Variants in RBM46 observed in about 807,000 individuals in gnomAD.
RBM46 encodes the protein RNA binding motif protein 46, also known as probable RNA-binding protein 46.
In RBM46, 12 loss-of-function variants were observed where a neutral mutation model predicts 43.3. The observed-to-expected ratio is 0.28, with a 90% CI of 0.18 to 0.45. RBM46 has a LOEUF of 0.45. RBM46 is among the 20% of genes least tolerant of loss of function. RBM46 has a pLI of 1.00. For missense variants in RBM46, 412 were observed against 639.1 expected, an observed-to-expected ratio of 0.64 and a Z score of 3.83; for synonymous variants, 205 against 207.6, an observed-to-expected ratio of 0.99 and a Z score of 0.11.
intron 4 of RBM46, among the ~76,000 whole-genome samples, chr4:154,811,683 G>GTGTC (rs1735186459): frequency 6.8e-6 from 1 of 146,410 alleles, no homozygotes; most frequent in Non-Finnish European, 1.5e-5. Context: ...GTGTGTGTGT[G>GTGTC]TGTGTGTGTG....
chr4:154,816,795 A>G (rs982890129), intron 4 of RBM46, among the ~76,000 whole-genome samples: 1 of 152,034 alleles, frequency 6.6e-6, no homozygotes, highest in Non-Finnish European at 1.5e-5. Context: ...CTAAGATATG[A>G]TGTGTGTTAT....
intron 4 of RBM46, chr4:154,820,506 A>G: frequency 4.1e-6 from 3 of 735,474 alleles, no homozygotes; most frequent in South Asian, 2.3e-5. Flanking sequence ...ATTGTTCTTT[A>G]TAATGAAAAG....
rs777430155 is a variant in RBM46 at position 154,827,941 on chromosome 4, C to A, written c.1476C>A (p.Ser492Arg). ...CTACCCTCTCTTCTGGGACTCCCAG[C>A]GTGCTTCCTTATACTTCAAGGCCTT... ...VSATLSSGTP[S>R]VLPYTSRPYS... is the part of the protein sequence containing the mutation. Residue 492 changes from serine (S) to arginine (R), a missense_variant, in exon 5 of 5, where the codon AGC (serine) becomes AGA (arginine). This residue lies in a region of RBM46 where 149 missense variants were observed against 156.3 expected (regional missense o/e 0.95). Transcript: ENST00000281722. 38 of 1,613,620 alleles carry A rather than the reference C, an allele frequency of 2.4e-5. No homozygotes were observed. Among genetic ancestry groups the A allele is most frequent in the Non-Finnish European group, 2.9e-5 (34 of 1,179,696 alleles).
intron 1 of RBM46, among the ~76,000 whole-genome samples, chr4:154,790,961 C>CT (rs1734060031): frequency 6.6e-6 from 1 of 152,172 alleles, no homozygotes; most frequent in African/African-American, 2.4e-5. Flanking sequence ...TAGCATGCAG[C>CT]TTTGTAGAAC....
At chr4:154,791,736 TA>T (rs897065925) in intron 1 of RBM46, among the ~76,000 whole-genome samples, 2 of 152,284 alleles carry the variant, frequency 1.3e-5, no homozygotes, top group African/African-American at 4.8e-5. Context: ...GAATAAAAAA[TA>T]AGATGCATAT....
chr4:154,817,305 A>T (rs1735492570), intron 4 of RBM46, among the ~76,000 whole-genome samples: 1 of 148,772 alleles, frequency 6.7e-6, no homozygotes, highest in Non-Finnish European at 1.5e-5. Context: ...TTAGAGCTGC[A>T]TCCCATACAT....
chr4:154,815,792 A>G (rs1735411059), intron 4 of RBM46, among the ~76,000 whole-genome samples: 1 of 152,048 alleles, frequency 6.6e-6, no homozygotes, highest in African/African-American at 2.4e-5. Flanking sequence ...ATATGATTCA[A>G]TTGATCAATC....
intron 4 of RBM46, among the ~76,000 whole-genome samples, chr4:154,800,613 T>A (rs1578915913): frequency 7.1e-6 from 1 of 140,400 alleles, no homozygotes; most frequent in Admixed American, 7.1e-5. Context: ...GCCTCCCCCC[T>A]CCTCCACCCC....
At chr4:154,799,864 A>G (rs1210881965) in intron 4 of RBM46, among the ~76,000 whole-genome samples, 2 of 148,398 alleles carry the variant, frequency 1.3e-5, no homozygotes, top group African/African-American at 5.0e-5. Context: ...GGTTCAGGCG[A>G]TTCTCCTGCC....
chr4:154,819,678 T>C (rs1188715629), intron 4 of RBM46, among the ~76,000 whole-genome samples: 1 of 152,194 alleles, frequency 6.6e-6, no homozygotes, highest in East Asian at 1.9e-4. Flanking sequence ...TATTTTTATA[T>C]CTAGTTTTCT....
At chr4:154,827,593 T>A in intron 4 of RBM46, 2 of 1,167,630 alleles carry the variant, frequency 1.7e-6, no homozygotes, top group Non-Finnish European at 2.1e-6. Context: ...TTTTCTATAA[T>A]CAAAACTCCA....
At chr4:154,799,964 G>C (rs1169110519) in intron 4 of RBM46, among the ~76,000 whole-genome samples, 1 of 151,732 alleles carries the variant, frequency 6.6e-6, no homozygotes, top group East Asian at 1.9e-4. Context: ...GTAGAGACAG[G>C]GTTTCACTGT....
rs1303756679 is a variant in RBM46, at chr4:154,827,891, A to G, written c.1426A>G (p.Ile476Val). ...HLDYNFHRSS[I>V]NSLSPVSATL... ...AGACTACAATTTCCATCGCAGCTCAATAAATAGTCTTTCCCCTGTTAGTGC... is the reference window on the plus strand; with the variant it reads ...AGACTACAATTTCCATCGCAGCTCAGTAAATAGTCTTTCCCCTGTTAGTGC... The change falls in exon 5 of 5, where the codon ATA becomes GTA. Residue 476 changes from isoleucine to valine, a missense_variant. Ile to Val is a conservative substitution (Grantham distance 29, BLOSUM62 3). Coordinates refer to ENST00000281722, the MANE Select transcript of RBM46 (RefSeq NM_144979.5). The G allele has an allele frequency of 3.1e-6, 5 of 1,613,456 alleles. No individual in the cohort carries two copies. The highest frequency in any genetic ancestry group is 3.3e-5 in the Admixed American group (2 of 59,972).
At chr4:154,811,527 C>G (rs759217819) in intron 4 of RBM46, among the ~76,000 whole-genome samples, 3 of 151,900 alleles carry the variant, frequency 2.0e-5, no homozygotes, top group Non-Finnish European at 4.4e-5. Context: ...ATCCAAGATA[C>G]CAGTTTCCAA....
Position 154,809,988 on chromosome 4 carries a change from A to G in RBM46, c.1402+10424A>G, listed in dbSNP as rs74545053. ...ATAAAAATGCCAGGGAATTACTAAC[A>G]TTTAAAAGTTACTACTTGGAGGGAG... On this transcript the variant is annotated intron_variant, in intron 4 of 4. Transcript: ENST00000281722. 6.0e-3 allele frequency among the ~76,000 whole-genome samples: 909 copies of G among 152,276 alleles called. 25 individuals are homozygous for G. In the East Asian group the frequency reaches 0.083, roughly 14 times the overall value.
chr4:154,803,469 G>T (rs1259930186), intron 4 of RBM46, among the ~76,000 whole-genome samples: 1 of 152,054 alleles, frequency 6.6e-6, no homozygotes, highest in African/African-American at 2.4e-5. Context: ...GGGAGGCTAA[G>T]GCGGGCGGAT....
At chr4:154,802,387 T>C (rs546181536) in intron 4 of RBM46, among the ~76,000 whole-genome samples, 1 of 152,378 alleles carries the variant, frequency 6.6e-6, no homozygotes, top group African/African-American at 2.4e-5. Flanking sequence ...TATGTTGCCA[T>C]ATGGCAGGTT....
chr4:154,807,981 G>A (rs1163953001), intron 4 of RBM46, among the ~76,000 whole-genome samples: 1 of 151,856 alleles, frequency 6.6e-6, no homozygotes, highest in Non-Finnish European at 1.5e-5. Context: ...AATAAATTTA[G>A]TTTGCCTATA....
chr4:154,797,677 C>A (rs551521421), intron 2 of RBM46, 134 bp from the exon 3 acceptor site: 63 of 527,492 alleles, frequency 1.2e-4, no homozygotes, highest in Middle Eastern at 7.4e-4. Flanking sequence ...TTTATTTTGT[C>A]CACTGTTGTA....
Sources: allele counts gnomAD v4.1 joint callset (sites outside exome capture counted in the v4.1 genomes callset), GRCh38; gene constraint gnomAD v4.1.1; regional missense constraint gnomAD v4.1.1; transcripts MANE v1.5; gene names NCBI Gene and HGNC (gene_info 2026-07-23, HGNC 2026-07-21).